The following SEPTIN9 variants were observed in gnomAD, a reference collection of about 807,000 sequenced individuals.
SEPTIN9 encodes the protein septin-9.
In SEPTIN9, 13 loss-of-function variants were observed where a neutral mutation model predicts 56.6. That is an observed-to-expected ratio of 0.23 (90% CI 0.15 to 0.37). The LOEUF (loss-of-function observed/expected upper bound fraction) is 0.37, where lower values mean the gene tolerates loss of function less well. Ranked by LOEUF, SEPTIN9 falls within the 10% of genes least tolerant of loss-of-function variation. The pLI, the probability that SEPTIN9 is intolerant of heterozygous loss-of-function variation, is 1.00. For synonymous variants in SEPTIN9, 332 were observed against 334.1 expected (o/e 0.99, Z 0.07); for missense variants, 650 against 823.1 (o/e 0.79, Z 2.57).
intron 1 of SEPTIN9, among the ~76,000 whole-genome samples, chr17:77,293,743 T>C (rs2031675745): frequency 6.6e-6 from 1 of 152,184 alleles, no homozygotes; most frequent in Admixed American, 6.5e-5. Flanking sequence ...GTTCTATTTC[T>C]CCCACATTTT....
chr17:77,379,516 G>T (rs1334849029), intron 2 of SEPTIN9, among the ~76,000 whole-genome samples: 2 of 152,184 alleles, frequency 1.3e-5, no homozygotes, highest in Admixed American at 6.5e-5. Context: ...TGGGAGAGAG[G>T]TGCTGTTCCC....
intron 3 of SEPTIN9, among the ~76,000 whole-genome samples, chr17:77,414,565 G>T: frequency 7.2e-6 from 1 of 139,838 alleles, no homozygotes; most frequent in Admixed American, 7.2e-5. Flanking sequence ...TCCTATCTGT[G>T]TGGATTCTTT....
intron 3 of SEPTIN9, among the ~76,000 whole-genome samples, chr17:77,478,487 C>T (rs1275339967): frequency 6.6e-6 from 1 of 152,192 alleles, no homozygotes; most frequent in Non-Finnish European, 1.5e-5. Context: ...AACCCGAATG[C>T]CCGCGGTCAA....
chr17:77,315,094 A>C lies in SEPTIN9; in HGVS notation c.76+7897A>C, dbSNP rs982842140. On this transcript the variant is annotated intron_variant, in intron 2 of 11. Transcript: ENST00000427177. ...CACACATATTCAGTTTGGAGTATGA[A>C]TTTCCATGAAGAGGAAAATCTCTAT... 3.9e-5 allele frequency among the ~76,000 whole-genome samples: 6 copies of C among 152,266 alleles called. No homozygotes were observed. The South Asian group carries it at 1.2e-3, about 32-fold the overall frequency.
At chr17:77,288,203 C>T in intron 1 of SEPTIN9, 2 of 1,052,688 alleles carry the variant, frequency 1.9e-6, no homozygotes, top group Non-Finnish European at 2.3e-6. Context: ...GCTTCAGTCT[C>T]TGTCCAGGTG....
Position 77,298,783 on chromosome 17 carries a change from C to T in SEPTIN9, c.20-8358C>T, listed in dbSNP as rs565752089. ...GGGTGCTTTGGAACAACATGCAATC[C>T]AATACACAGGCTGACTTTATTATTT... On this transcript the variant is annotated intron_variant, in intron 1 of 11. Transcript: ENST00000427177. Among the ~76,000 whole-genome samples, 8 of 152,324 alleles carry T rather than the reference C, an allele frequency of 5.3e-5. No individual in the cohort carries two copies. The South Asian group carries it at 1.7e-3, about 32-fold the overall frequency.
Position 77,450,728 on chromosome 17 carries a change from TGGAGAGGCA to T in SEPTIN9, c.722-31411_722-31403del, listed in dbSNP as rs903222194. 3 of 985,982 alleles carry T rather than the reference TGGAGAGGCA, an allele frequency of 3.0e-6. No individual in the cohort carries two copies. Among genetic ancestry groups the T allele is most frequent in the African/African-American group, 1.7e-5 (1 of 57,166 alleles). 61.1% of individuals were successfully genotyped at this position (985,982 alleles called of 1,614,324 possible). Reference sequence around the variant, plus strand: ...CAGGTCCCCCAGGGGCTGGAGAGGCTGGAGAGGCAGGAGCTGGATCAGATCTGAATCCAG... The same window carrying T: ...CAGGTCCCCCAGGGGCTGGAGAGGCTGGAGCTGGATCAGATCTGAATCCAG... On this transcript the variant is annotated intron_variant, in intron 3 of 11. Transcript: ENST00000427177. The surrounding 1 kb of genome is among the most constrained non-coding windows in gnomAD (Gnocchi z 6.0).
At chr17:77,282,188 C>T (rs1317356650) in intron 1 of SEPTIN9, among the ~76,000 whole-genome samples, 1 of 152,220 alleles carries the variant, frequency 6.6e-6, no homozygotes, top group Non-Finnish European at 1.5e-5. Flanking sequence ...GCTTTCATTT[C>T]ATAAGAGGCT....
rs2040395846 is a variant in SEPTIN9 at position 77,498,944 on chromosome 17, G to C, written c.*286G>C. On this transcript the variant is annotated 3_prime_UTR_variant, in exon 12 of 12. Coordinates refer to ENST00000427177, the MANE Select transcript of SEPTIN9 (RefSeq NM_001113491.2). ...TCTGTCCCCAGGCCTGGCTCCCCGAGGGCTCAGAAGAGCAGCTTCGGTGTG... is the reference window on the plus strand; with the variant it reads ...TCTGTCCCCAGGCCTGGCTCCCCGACGGCTCAGAAGAGCAGCTTCGGTGTG... 1.8e-6 allele frequency: 1 copy of C among 556,470 alleles called. No individual in the cohort carries two copies. Among genetic ancestry groups the C allele is most frequent in the Non-Finnish European group, 3.4e-6 (1 of 290,496 alleles). 34.5% of individuals were successfully genotyped at this position (556,470 alleles called of 1,614,324 possible). A position where few individuals can be genotyped will look rare whatever the true frequency, so the allele number is the denominator to read the frequency against.
rs1190980046 is a variant in SEPTIN9 at position 77,371,928 on chromosome 17, C to T, written c.77-30131C>T. Among the ~76,000 whole-genome samples, 3 of 152,096 alleles carry T rather than the reference C, an allele frequency of 2.0e-5. No individual in the cohort carries two copies. The highest frequency in any genetic ancestry group is 2.9e-5 in the Non-Finnish European group (2 of 68,026). ...AGCCACCCAAACCTAGAACATTTTC[C>T]GCAAGAGACCCCCTGCCCCCCGCCT... On this transcript the variant is annotated intron_variant, in intron 2 of 11. Transcript: ENST00000427177. The surrounding 1 kb of genome is among the most constrained non-coding windows in gnomAD (Gnocchi z 4.1).
At chr17:77,301,528 GCTT>G (rs769007743) in intron 1 of SEPTIN9, among the ~76,000 whole-genome samples, 3 of 152,078 alleles carry the variant, frequency 2.0e-5, no homozygotes, top group Non-Finnish European at 4.4e-5. Flanking sequence ...GGGCTCAAGT[GCTT>G]CTTCTGCCTC....
intron 7 of SEPTIN9, among the ~76,000 whole-genome samples, chr17:77,490,066 C>T (rs913712837): frequency 2.6e-5 from 4 of 152,364 alleles, no homozygotes; most frequent in East Asian, 3.9e-4. Context: ...TGCCTGGTCC[C>T]GCCCAAGGCG....
At chr17:77,359,030 A>G (rs1199745947) in intron 2 of SEPTIN9, among the ~76,000 whole-genome samples, 9 of 152,154 alleles carry the variant, frequency 5.9e-5, no homozygotes, top group African/African-American at 2.2e-4. Flanking sequence ...TCCTGCCGTC[A>G]TGTCTGCACT....
chr17:77,430,701 A>T (rs1028867005), intron 3 of SEPTIN9, among the ~76,000 whole-genome samples: 8 of 152,170 alleles, frequency 5.3e-5, no homozygotes, highest in African/African-American at 1.9e-4. Context: ...TAGAAGTGCT[A>T]AGAAGCAGGC....
At chr17:77,336,542 T>C (rs1006807398) in intron 2 of SEPTIN9, among the ~76,000 whole-genome samples, 1 of 152,240 alleles carries the variant, frequency 6.6e-6, no homozygotes, top group African/African-American at 2.4e-5. Context: ...ATTTTAAATT[T>C]CATTTTTAAT....
rs1438365689 is a variant in SEPTIN9, at chr17:77,475,195, C to A, written c.722-6949C>A. 8 of 1,207,208 alleles carry A rather than the reference C, an allele frequency of 6.6e-6. No homozygotes were observed. In the Middle Eastern group the frequency reaches 1.0e-3, roughly 150 times the overall value. The allele number at this position is 1,207,208 out of a possible 1,614,324, so 74.8% of individuals were successfully genotyped here. On this transcript the variant is annotated intron_variant, in intron 3 of 11. Transcript: ENST00000427177. The surrounding 1 kb of genome is among the most constrained non-coding windows in gnomAD (Gnocchi z 4.6). ...GGATGAGGTGTCTGGCTTCACAAACCCTGTGTGGGGGGGTTGTGGTGAGAG... is the reference window on the plus strand; with the variant it reads ...GGATGAGGTGTCTGGCTTCACAAACACTGTGTGGGGGGGTTGTGGTGAGAG...
intron 3 of SEPTIN9, among the ~76,000 whole-genome samples, chr17:77,457,622 G>C (rs2038272761): frequency 6.6e-6 from 1 of 152,246 alleles, no homozygotes; most frequent in African/African-American, 2.4e-5. Context: ...CCTCCTCCCA[G>C]TCTTCCAGAA....
Position 77,453,741 on chromosome 17 carries a change from C to G in SEPTIN9, c.722-28403C>G, listed in dbSNP as rs2038074178. 6.6e-6 allele frequency: 1 copy of G among 152,578 alleles called. No homozygotes were observed. The highest frequency in any genetic ancestry group is 1.5e-5 in the Non-Finnish European group (1 of 68,344). 9.5% of individuals were successfully genotyped at this position (152,578 alleles called of 1,614,324 possible). On this transcript the variant is annotated intron_variant, in intron 3 of 11. Transcript: ENST00000427177. The surrounding 1 kb of genome is among the most constrained non-coding windows in gnomAD (Gnocchi z 4.4). ...ACCAGAGTCTCTGGGTTGACCACTCCCCAGCCCTGGCCAGCCTCCTGGGCC... is the reference window on the plus strand; with the variant it reads ...ACCAGAGTCTCTGGGTTGACCACTCGCCAGCCCTGGCCAGCCTCCTGGGCC...
rs1372601118 is a variant in SEPTIN9, at chr17:77,429,448, T to C, written c.721+26745T>C. ...CATTTGGGGAGGGACTGAGGGCTGA[T>C]TGTGTTGTGGGGATGTTGGCAGAGA... On this transcript the variant is annotated intron_variant, in intron 3 of 11. Coordinates refer to ENST00000427177, the MANE Select transcript of SEPTIN9 (RefSeq NM_001113491.2). This position sits in a 1 kb window ranked among gnomAD's most constrained non-coding sequence, Gnocchi z 5.2. The C allele has an allele frequency of 1.0e-5, 4 of 383,492 alleles. No homozygotes were observed. The highest frequency in any genetic ancestry group is 6.7e-5 in the Admixed American group (2 of 30,016). 23.8% of individuals were successfully genotyped at this position (383,492 alleles called of 1,614,324 possible).
Sources: gnomAD v4.1 joint callset for allele counts (sites outside exome capture counted in the v4.1 genomes callset) on GRCh38, gnomAD v4.1.1 for gene constraint, Gnocchi (gnomAD v3.1) non-coding constraint, MANE v1.5 for transcripts, NCBI Gene and HGNC (gene_info 2026-07-23, HGNC 2026-07-21) for gene names.